The following DPP6 variants were observed in gnomAD, a reference collection of about 807,000 sequenced individuals.
The protein encoded by DPP6 is dipeptidyl peptidase like 6, also known as A-type potassium channel modulatory protein DPP6.
Under a neutral mutation model 122.6 loss-of-function variants are expected in DPP6, and 69 were observed. The observed-to-expected ratio is 0.56, with a 90% confidence interval of 0.46 to 0.69. DPP6 has a LOEUF of 0.69. DPP6 is among the 30% of genes least tolerant of loss of function. DPP6 has a pLI of 0.00. For missense variants in DPP6, 928 were observed against 1,116.9 expected (o/e 0.83, Z 2.41); for synonymous variants, 418 against 433.1 (o/e 0.97, Z 0.43).
At chr7:153,786,863 A>G in the DPP6 span, among the ~76,000 whole-genome samples, 1 of 146,462 alleles carries the variant, frequency 6.8e-6, no homozygotes, top group African/African-American at 2.5e-5. Flanking sequence ...ACTACTGGTC[A>G]GGGAAGTAAA....
chr7:153,922,836 C>G (rs1385780073), intron 1 of DPP6, among the ~76,000 whole-genome samples: 1 of 152,192 alleles, frequency 6.6e-6, no homozygotes, highest in Non-Finnish European at 1.5e-5. Flanking sequence ...TTAGCGAGCC[C>G]CCAGCACTCT....
chr7:153,855,352 CTT>C, the DPP6 span, among the ~76,000 whole-genome samples: 1 of 152,044 alleles, frequency 6.6e-6, no homozygotes, highest in Non-Finnish European at 1.5e-5. Flanking sequence ...CACTCATTAA[CTT>C]ATACAAACAA....
intron 1 of DPP6, among the ~76,000 whole-genome samples, chr7:154,074,705 G>T (rs984657465): frequency 6.6e-6 from 1 of 152,230 alleles, no homozygotes; most frequent in East Asian, 1.9e-4. Flanking sequence ...TACTCCCTGG[G>T]TGTGAAGCTT....
intron 1 of DPP6, among the ~76,000 whole-genome samples, chr7:154,313,684 G>GGTGTGTGT (rs146683070): frequency 0.063 from 1,582 of 25,006 alleles, 305 homozygotes; most frequent in African/African-American, 0.24. Flanking sequence ...TTTAAGATAT[G>GGTGTGTGT]GTATATATAT....
chr7:153,980,781 T>A (rs1353834665), intron 1 of DPP6, among the ~76,000 whole-genome samples: 1 of 152,228 alleles, frequency 6.6e-6, no homozygotes, highest in African/African-American at 2.4e-5. Flanking sequence ...AACTTACTTA[T>A]TTCTGCCTTA....
rs978189317 is a variant in DPP6, at chr7:154,267,501, CAT to C, written c.244-178708_244-178707del. ...ACACATACACATGTGTACACACACA[CAT>C]ATATGCACACATACTTATATATGCG... is the stretch of plus-strand genomic sequence containing the variant. On this transcript the variant is annotated intron_variant, in intron 1 of 25. Transcript: ENST00000377770. Among the ~76,000 whole-genome samples the C allele has an allele frequency of 1.4e-4, 21 of 150,614 alleles. No homozygotes were observed. In the East Asian group the frequency reaches 2.5e-3, roughly 18 times the overall value.
chr7:153,943,200 T>C (rs1801779430), intron 1 of DPP6, among the ~76,000 whole-genome samples: 3 of 152,182 alleles, frequency 2.0e-5, no homozygotes, highest in Non-Finnish European at 4.4e-5. Flanking sequence ...AGTCTGAAGA[T>C]CCAAAGGAAT....
At chr7:154,002,581 A>G (rs1197073136) in intron 1 of DPP6, among the ~76,000 whole-genome samples, 1 of 152,134 alleles carries the variant, frequency 6.6e-6, no homozygotes, top group African/African-American at 2.4e-5. Context: ...TTTTTCAGTG[A>G]GTGCAGATAG....
chr7:154,772,936 G>A lies in DPP6; in HGVS notation c.1130G>A (p.Arg377Gln), dbSNP rs369839910. The stretch of plus-strand genomic sequence containing the variant: ...GAGATGATGCCGCCTGATGATCCAC[G>A]GATGAGGTTTGCTTCCTTCTATTAT... Reference protein sequence around the residue: ...DLEMMPPDDPRMREYYITMVK... With the variant: ...DLEMMPPDDPQMREYYITMVK... The change falls in exon 10 of 26, where the codon CGG becomes CAG. Residue 377 changes from arginine to glutamine, a missense_variant. Arg to Gln is a conservative substitution (Grantham distance 43). Transcript: ENST00000377770. The A allele has an allele frequency of 1.5e-5, 24 of 1,600,240 alleles. No homozygotes were observed. Among genetic ancestry groups the A allele is most frequent in the African/African-American group, 2.7e-5 (2 of 73,528 alleles).
chr7:154,447,974 C>T (rs990987687), intron 2 of DPP6, among the ~76,000 whole-genome samples: 3 of 152,158 alleles, frequency 2.0e-5, no homozygotes, highest in African/African-American at 4.8e-5. Context: ...TACTGAAGAG[C>T]AGAAGACTGA....
chr7:154,095,883 G>A (rs2150560088), intron 1 of DPP6: 1 of 139,034 alleles, frequency 7.2e-6, no homozygotes, highest in South Asian at 2.5e-4. Flanking sequence ...ATTTACAAGG[G>A]AGGGTGTGGG....
chr7:154,765,023 A>G (rs1795810594), intron 8 of DPP6, among the ~76,000 whole-genome samples: 1 of 152,138 alleles, frequency 6.6e-6, no homozygotes, highest in South Asian at 2.1e-4. Flanking sequence ...ACACCTCCAC[A>G]TTGGGAATTA....
At chr7:154,508,283 G>A (rs1825810874) in intron 3 of DPP6, among the ~76,000 whole-genome samples, 1 of 152,108 alleles carries the variant, frequency 6.6e-6, no homozygotes, top group Non-Finnish European at 1.5e-5. Context: ...CACTAATTTG[G>A]ATAGTTTTAT....
intron 3 of DPP6, among the ~76,000 whole-genome samples, chr7:154,531,773 T>C (rs2130124065): frequency 6.6e-6 from 1 of 152,276 alleles, no homozygotes; most frequent in East Asian, 1.9e-4. Context: ...TGCGTGGAAG[T>C]GGACACGGAC....
chr7:154,571,180 A>G (rs564450620), intron 5 of DPP6, among the ~76,000 whole-genome samples: 1 of 152,344 alleles, frequency 6.6e-6, no homozygotes, highest in East Asian at 1.9e-4. Flanking sequence ...AACTGTATTA[A>G]CTATACTAAT....
chr7:154,636,343 G>A (rs540512562), intron 5 of DPP6, among the ~76,000 whole-genome samples: 1 of 152,298 alleles, frequency 6.6e-6, no homozygotes, highest in African/African-American at 2.4e-5. Context: ...TCCTCTCTGA[G>A]CGGTGACCTG....
chr7:153,830,576 T>C, the DPP6 span, among the ~76,000 whole-genome samples: 1 of 152,204 alleles, frequency 6.6e-6, no homozygotes, highest in South Asian at 2.1e-4. Context: ...AAGTGTCTGA[T>C]TGAGCATGGA....
At chr7:154,345,091 C>A (rs1221910984) in intron 1 of DPP6, among the ~76,000 whole-genome samples, 1 of 152,138 alleles carries the variant, frequency 6.6e-6, no homozygotes, top group Non-Finnish European at 1.5e-5. Context: ...AAACAACAGA[C>A]ATTTATTTCC....
At chr7:153,806,293 C>T in the DPP6 span, among the ~76,000 whole-genome samples, 1 of 152,024 alleles carries the variant, frequency 6.6e-6, no homozygotes, top group Non-Finnish European at 1.5e-5. Context: ...ATGGGACCCT[C>T]ATGGAAGTCC....
Sources: allele counts gnomAD v4.1 joint callset (sites outside exome capture counted in the v4.1 genomes callset), GRCh38; gene constraint gnomAD v4.1.1; transcripts MANE v1.5; gene names NCBI Gene and HGNC (gene_info 2026-07-23, HGNC 2026-07-21).